Variants in EYS observed in about 807,000 individuals in gnomAD.
The protein encoded by EYS is EGF-like photoreceptor maintenance factor.
Under a neutral mutation model 282.1 loss-of-function variants are expected in EYS, and 250 were observed. The ratio of observed to expected loss-of-function variants is 0.89; its 90% CI spans 0.80 to 0.98. The LOEUF is 0.98. Ranked by LOEUF, EYS falls within the 50% of genes least tolerant of loss-of-function variation. EYS has a pLI of 0.00. For synonymous variants in EYS, 1,355 were observed against 1,282.9 expected (o/e 1.06, Z -1.20); for missense variants, 4,016 against 3,709.0 (o/e 1.08, Z -2.15).
intron 36 of EYS, among the ~76,000 whole-genome samples, chr6:63,842,318 G>A (rs554001529): frequency 6.6e-6 from 1 of 152,270 alleles, no homozygotes; most frequent in East Asian, 1.9e-4. Context: ...GGTGTGAGAT[G>A]GTGTCTCATT....
chr6:64,443,335 C>G (rs943472424), intron 26 of EYS, among the ~76,000 whole-genome samples: 2 of 152,170 alleles, frequency 1.3e-5, no homozygotes, highest in African/African-American at 4.8e-5. Flanking sequence ...AATTAACTTG[C>G]TTTTGCTTTT....
intron 4 of EYS, among the ~76,000 whole-genome samples, chr6:65,492,332 G>C (rs113728624): frequency 4.2e-4 from 63 of 149,924 alleles, no homozygotes; most frequent in East Asian, 9.9e-4. Context: ...AAGAAAGAAA[G>C]AAACAAACAA....
Position 64,590,337 on chromosome 6 carries a change from G to C in EYS, c.5530C>G (p.Pro1844Ala), listed in dbSNP as rs149347089. The change falls in exon 26 of 43, where the codon CCT becomes GCT. Residue 1844 changes from proline to alanine, a missense_variant. Physicochemically the swap from Pro to Ala is conservative, Grantham distance 27. Transcript: ENST00000503581. ...SSEWSKWELQ[P>A]SVQYQEFPTA... Reference sequence around the variant, plus strand: ...GGAAATTCCTGATATTGCACACTAGGCTGAAGTTCCCATTTGGACCATTCT... The same window carrying C: ...GGAAATTCCTGATATTGCACACTAGCCTGAAGTTCCCATTTGGACCATTCT... The C allele has an allele frequency of 6.4e-7, 1 of 1,551,244 alleles. No homozygotes were observed. Among genetic ancestry groups the C allele is most frequent in the East Asian group, 2.4e-5 (1 of 40,910 alleles).
chr6:65,528,632 T>C (rs1181450055), intron 2 of EYS, among the ~76,000 whole-genome samples: 3 of 152,212 alleles, frequency 2.0e-5, no homozygotes, highest in South Asian at 2.1e-4. Flanking sequence ...TGTCTTGATA[T>C]TGAACTTCTC....
Position 64,591,132 on chromosome 6 carries a change from G to C in EYS, c.4735C>G (p.Gln1579Glu), listed in dbSNP as rs1248556574. The C allele has an allele frequency of 6.4e-7, 1 of 1,551,298 alleles. No homozygotes were observed. The highest frequency in any genetic ancestry group is 8.7e-7 in the Non-Finnish European group (1 of 1,146,776). Residue 1579 changes from glutamine (Q) to glutamate (E), a missense_variant, in exon 26 of 43, where the codon CAG becomes GAG. Physicochemically the swap from Gln to Glu is conservative, Grantham distance 29 (BLOSUM62 2). Coordinates refer to ENST00000503581, the MANE Select transcript of EYS (RefSeq NM_001142800.2). ...CAGAATGTCTCATAAAAGTGGGACT[G>C]TTTGCTATGCAAAACTTGATCTGAG... ...EFSDQVLHSK[Q>E]SHFYETFWMN...
At chr6:64,173,840 T>A (rs987699415) in intron 31 of EYS, among the ~76,000 whole-genome samples, 12 of 152,086 alleles carry the variant, frequency 7.9e-5, no homozygotes, top group Middle Eastern at 3.4e-3. Context: ...CAATAGAATT[T>A]AAAAAACAAA....
chr6:65,026,609 C>A (rs1772415810), intron 13 of EYS, among the ~76,000 whole-genome samples: 1 of 152,172 alleles, frequency 6.6e-6, no homozygotes, highest in South Asian at 2.1e-4. Flanking sequence ...AAAATACTGT[C>A]AAGAAACAAG....
intron 2 of EYS, among the ~76,000 whole-genome samples, chr6:65,536,991 G>T (rs2127315902): frequency 6.6e-6 from 1 of 152,252 alleles, no homozygotes; most frequent in Admixed American, 6.5e-5. Flanking sequence ...GATGTGTATT[G>T]ATGTATGTAG....
chr6:65,228,941 C>A (rs1766698481), intron 12 of EYS, among the ~76,000 whole-genome samples: 1 of 151,772 alleles, frequency 6.6e-6, no homozygotes, highest in South Asian at 2.1e-4. Context: ...CTGGGAGAAT[C>A]AGATTGTTGT....
chr6:65,467,828 T>G (rs556340175), intron 5 of EYS, among the ~76,000 whole-genome samples: 3 of 152,074 alleles, frequency 2.0e-5, no homozygotes, highest in Non-Finnish European at 2.9e-5. Flanking sequence ...AGAATTATAT[T>G]AAGAAGAATG....
chr6:64,612,928 G>C (rs1210156416), intron 24 of EYS, among the ~76,000 whole-genome samples: 1 of 152,052 alleles, frequency 6.6e-6, no homozygotes, highest in Non-Finnish European at 1.5e-5. Flanking sequence ...AGATATTAGA[G>C]GGAAGTTCAG....
intron 12 of EYS, among the ~76,000 whole-genome samples, chr6:65,270,282 C>T (rs1767863184): frequency 6.6e-6 from 1 of 152,156 alleles, no homozygotes; most frequent in South Asian, 2.1e-4. Context: ...TCTTAAGGCT[C>T]AAGGATAATT....
At chr6:64,802,903 A>T (rs889303467) in intron 22 of EYS, among the ~76,000 whole-genome samples, 1 of 152,198 alleles carries the variant, frequency 6.6e-6, no homozygotes, top group Non-Finnish European at 1.5e-5. Flanking sequence ...GATGGCAGCC[A>T]CAAGCCCTCT....
At chr6:63,818,025 T>A (rs563334965) in intron 36 of EYS, among the ~76,000 whole-genome samples, 1 of 152,214 alleles carries the variant, frequency 6.6e-6, no homozygotes, top group Non-Finnish European at 1.5e-5. Flanking sequence ...GGGAAGCTAG[T>A]GGGAACCCTC....
At chr6:65,564,531 C>G (rs1769198586) in intron 2 of EYS, among the ~76,000 whole-genome samples, 1 of 152,008 alleles carries the variant, frequency 6.6e-6, no homozygotes, top group South Asian at 2.1e-4. Context: ...GGAAAGGATT[C>G]CCTATTTAAT....
chr6:64,345,127 A>G (rs1170226380), intron 29 of EYS, among the ~76,000 whole-genome samples: 2 of 152,184 alleles, frequency 1.3e-5, no homozygotes, highest in Non-Finnish European at 2.9e-5. Flanking sequence ...ATACTGCCCA[A>G]AGTAATTTAT....
intron 32 of EYS, among the ~76,000 whole-genome samples, chr6:64,080,378 T>C (rs1771922401): frequency 6.6e-6 from 1 of 152,030 alleles, no homozygotes; most frequent in African/African-American, 2.4e-5. Context: ...TGTCTGTTCA[T>C]ATCCTTCACC....
At chr6:64,793,924 G>T (rs1363234111) in intron 22 of EYS, among the ~76,000 whole-genome samples, 1 of 152,000 alleles carries the variant, frequency 6.6e-6, no homozygotes, top group African/African-American at 2.4e-5. Context: ...TAAGCACAAT[G>T]TTTCAGGATC....
intron 19 of EYS, among the ~76,000 whole-genome samples, chr6:64,849,450 A>G (rs1384600100): frequency 6.6e-6 from 1 of 152,028 alleles, no homozygotes; most frequent in East Asian, 1.9e-4. Context: ...TTTAGATCAA[A>G]AATATTTGGG....
Sources: allele counts gnomAD v4.1 joint callset (sites outside exome capture counted in the v4.1 genomes callset), GRCh38; gene constraint gnomAD v4.1.1; transcripts MANE v1.5; gene names NCBI Gene and HGNC (gene_info 2026-07-23, HGNC 2026-07-21).